Variants in FCER2 observed in about 807,000 individuals in gnomAD.
FCER2 encodes the protein low affinity immunoglobulin epsilon Fc receptor.
FCER2 carries 38 observed loss-of-function variants against 49.7 expected under a neutral mutation model. The observed-to-expected ratio is 0.76, with a 90% confidence interval of 0.59 to 1.00. FCER2 has a LOEUF of 1.00. Among genes scored for constraint, FCER2 ranks in the 50% least tolerant of loss-of-function variants. The probability of loss-of-function intolerance (pLI) is 0.00; values close to 1 mark genes in which losing one functional copy is unlikely to be tolerated. For missense variants in FCER2, 425 were observed against 419.5 expected, an observed-to-expected ratio of 1.01 and a Z score of -0.11; for synonymous variants, 163 against 164.6, an observed-to-expected ratio of 0.99 and a Z score of 0.07.
intron 9 of FCER2, 26 bp downstream of exon 9, chr19:7,690,380 A>G (rs2032830515): frequency 6.2e-7 from 1 of 1,610,382 alleles, no homozygotes; most frequent in Non-Finnish European, 8.5e-7. Flanking sequence ...CATGCTGCCC[A>G]CCACCTCTGC....
At chr19:7,692,462 G>C (rs111285955) in intron 8 of FCER2, among the ~76,000 whole-genome samples, 1 of 147,126 alleles carries the variant, frequency 6.8e-6, no homozygotes, top group Non-Finnish European at 1.5e-5. Flanking sequence ...ACACATTCAC[G>C]TCCATCAACA....
rs565338813 is a variant in FCER2 at position 7,690,416 on chromosome 19, G to A, written c.611C>T (p.Pro204Leu). 20 of 1,613,870 alleles carry A rather than the reference G, an allele frequency of 1.2e-5. No homozygotes were observed. Among genetic ancestry groups the A allele is most frequent in the Middle Eastern group, 1.7e-4 (1 of 6,056 alleles). The change falls in exon 9 of 11, where the codon CCG (proline) becomes CTG (leucine). Residue 204 changes from proline to leucine, a missense_variant. Coordinates refer to ENST00000597921, the MANE Select transcript of FCER2 (RefSeq NM_001220500.2). ...AGAGCCCCAGCCCACCTGCTCCTCC[G>A]GGCTGTGGATGCTGACCAGCTGCCC... Reference protein sequence around the residue: ...MEGQLVSIHSPEEQDFLTKHA... With the variant: ...MEGQLVSIHSLEEQDFLTKHA...
rs779874359 is a variant in FCER2, at chr19:7,699,746, T to C, written c.15A>G (p.Gln5=). Residue 5 remains glutamine (Q), a synonymous_variant, in exon 2 of 11, where the codon CAA becomes CAG. Coordinates refer to ENST00000597921, the MANE Select transcript of FCER2 (RefSeq NM_001220500.2). Reference sequence around the variant, plus strand: ...ACCAGAGAGTCCTCCTACCTGAATATTGACCTTCCTCCATGGCGGTCCTGC... The same window carrying C: ...ACCAGAGAGTCCTCCTACCTGAATACTGACCTTCCTCCATGGCGGTCCTGC... The part of the protein sequence containing the change: MEEG[Q]YSEIEELPRR... 74 of 1,613,934 alleles carry C rather than the reference T, an allele frequency of 4.6e-5. No individual in the cohort carries two copies. Among genetic ancestry groups the C allele is most frequent in the Non-Finnish European group, 5.5e-5 (65 of 1,179,944 alleles).
rs774140522 is a variant in FCER2, at chr19:7,697,551, C to T, written c.229G>A (p.Asp77Asn). ...VSKNLESHHGDQMAQKSQSTQ... is the reference protein window; with the variant it reads ...VSKNLESHHGNQMAQKSQSTQ... Reference sequence around the variant, plus strand: ...CACTGGGATTTCTGCGCCATCTGGTCACCGTGGTGGCTTTCCAAGTTCTTG... The same window carrying T: ...CACTGGGATTTCTGCGCCATCTGGTTACCGTGGTGGCTTTCCAAGTTCTTG... The change falls in exon 5 of 11, where the codon GAC becomes AAC. Residue 77 changes from aspartate to asparagine, a missense_variant. Asp to Asn is a conservative substitution (Grantham distance 23). Coordinates refer to ENST00000597921, the MANE Select transcript of FCER2 (RefSeq NM_001220500.2). 3 of 1,614,120 alleles carry T rather than the reference C, an allele frequency of 1.9e-6. No individual in the cohort carries two copies. Among genetic ancestry groups the T allele is most frequent in the Middle Eastern group, 1.6e-4 (1 of 6,062 alleles).
chr19:7,692,014 G>C (rs78434475), intron 8 of FCER2, among the ~76,000 whole-genome samples: 107,058 of 109,578 alleles, frequency 0.98, 52,269 homozygotes, highest in Admixed American at 0.99. Context: ...AACACCATCA[G>C]CACGAATACA....
intron 4 of FCER2, 28 bp from the exon 5 acceptor site, chr19:7,697,617 C>T: frequency 6.2e-7 from 1 of 1,608,410 alleles, no homozygotes; most frequent in African/African-American, 1.3e-5. Context: ...AAGAGATATC[C>T]CAGGAACCTC....
At chr19:7,693,709 C>T (rs1025159636) in intron 8 of FCER2, among the ~76,000 whole-genome samples, 11 of 152,126 alleles carry the variant, frequency 7.2e-5, no homozygotes, top group East Asian at 5.8e-4. Context: ...AGTACAGTGG[C>T]GCTATCTCGG....
At chr19:7,694,215 G>A (rs76878716) in intron 8 of FCER2, among the ~76,000 whole-genome samples, 1 of 152,256 alleles carries the variant, frequency 6.6e-6, no homozygotes, top group South Asian at 2.1e-4. Flanking sequence ...AACAGGAAGA[G>A]GTGGCCAGGT....
At chr19:7,689,647 G>T (rs2032804107) in intron 10 of FCER2, among the ~76,000 whole-genome samples, 1 of 152,018 alleles carries the variant, frequency 6.6e-6, no homozygotes, top group South Asian at 2.1e-4. Context: ...TGTTGAGACA[G>T]AATCACTCTG....
chr19:7,689,056 T>C lies in FCER2; in HGVS notation c.*137A>G, dbSNP rs2032779604. ...TGTACTCCTGGGAAGGCAGGGGCCATAGAGGAGCGGGAGATGTGTCAGCTG... is the reference window on the plus strand; with the variant it reads ...TGTACTCCTGGGAAGGCAGGGGCCACAGAGGAGCGGGAGATGTGTCAGCTG... On this transcript the variant is annotated 3_prime_UTR_variant, in exon 11 of 11. Transcript: ENST00000597921. 1 of 650,198 alleles carries C rather than the reference T, an allele frequency of 1.5e-6. No homozygotes were observed. The highest frequency in any genetic ancestry group is 2.7e-5 in the East Asian group (1 of 36,836). 40.3% of individuals were successfully genotyped at this position (650,198 alleles called of 1,614,324 possible).
At chr19:7,701,556 C>T (rs963000187) in intron 1 of FCER2, among the ~76,000 whole-genome samples, 1 of 152,132 alleles carries the variant, frequency 6.6e-6, no homozygotes, top group African/African-American at 2.4e-5. Context: ...CATTTGTCCC[C>T]ATCACGCAGT....
intron 9 of FCER2, 30 bp from the exon 10 acceptor site, chr19:7,690,295 G>A (rs1359993806): frequency 6.2e-7 from 1 of 1,608,296 alleles, no homozygotes; most frequent in Non-Finnish European, 8.5e-7. Context: ...TGGAGGACTG[G>A]AGACATGTGC....
At position 7,689,182 on chromosome 19, in the gene FCER2, T is replaced by C. The variant is rs2032782773; in HGVS notation, c.*11A>G. On this transcript the variant is annotated 3_prime_UTR_variant, in exon 11 of 11. Transcript: ENST00000597921. ...TTCAGGGTCTTGCTCTGGGCCTGGC[T>C]GTATCCATGCTCAAGAGTGGAGAGG... 1.3e-6 allele frequency: 2 copies of C among 1,577,068 alleles called. No individual in the cohort carries two copies. Among genetic ancestry groups the C allele is most frequent in the South Asian group, 2.2e-5 (2 of 90,274 alleles).
At position 7,699,790 on chromosome 19, in the gene FCER2, G is replaced by A. The variant is rs754165362; in HGVS notation, c.-30C>T. On this transcript the variant is annotated 5_prime_UTR_variant, in exon 2 of 11. Coordinates refer to ENST00000597921, the MANE Select transcript of FCER2 (RefSeq NM_001220500.2). ...GTCCTGCTTGGATTCTCCCGATGAT[G>A]GAGCACTCACTCCCTGACAACGCAG... The A allele has an allele frequency of 2.5e-6, 4 of 1,611,688 alleles. No homozygotes were observed. The highest frequency in any genetic ancestry group is 1.7e-4 in the Middle Eastern group (1 of 6,056).
At chr19:7,693,165 C>T (rs1027589922) in intron 8 of FCER2, among the ~76,000 whole-genome samples, 4 of 152,168 alleles carry the variant, frequency 2.6e-5, no homozygotes, top group Non-Finnish European at 5.9e-5. Context: ...GCCAGGTCCA[C>T]CAGCGATTAC....
chr19:7,692,949 T>C (rs1376346207), intron 8 of FCER2, among the ~76,000 whole-genome samples: 2 of 151,266 alleles, frequency 1.3e-5, no homozygotes, highest in East Asian at 1.9e-4. Flanking sequence ...AACCCCATCA[T>C]GACAAACACC....
rs2032780290 is a variant in FCER2 at position 7,689,086 on chromosome 19, C to T, written c.*107G>A. ...GAGCGGGAGATGTGTCAGCTGCCTC[C>T]GTTTGGGTGGCAGAAAATGTCACAG... On this transcript the variant is annotated 3_prime_UTR_variant, in exon 11 of 11. Transcript: ENST00000597921. 2.6e-6 allele frequency: 2 copies of T among 769,742 alleles called. No individual in the cohort carries two copies. Among genetic ancestry groups the T allele is most frequent in the Admixed American group, 2.4e-5 (1 of 41,276 alleles). The allele number at this position is 769,742 out of a possible 1,614,324, so 47.7% of individuals were successfully genotyped here.
chr19:7,691,092 C>T (rs73921526), intron 8 of FCER2, among the ~76,000 whole-genome samples: 11,474 of 151,720 alleles, frequency 0.076, 1,236 homozygotes, highest in African/African-American at 0.24. Context: ...CCTCAACCAT[C>T]AACACCATGA....
rs368110053 is a variant in FCER2, at chr19:7,692,449, C to T, written c.470-1892G>A. Among the ~76,000 whole-genome samples the T allele has an allele frequency of 1.1e-4, 16 of 148,272 alleles. 2 individuals carry two copies. The highest frequency in any genetic ancestry group is 2.5e-5 in the African/African-American group (1 of 39,870). On this transcript the variant is annotated intron_variant, in intron 8 of 10. Transcript: ENST00000597921. ...ACATCAATTACCAACACCAGCGCCA[C>T]GAACACATTCACGTCCATCAACACA...
Sources: allele counts gnomAD v4.1 joint callset (sites outside exome capture counted in the v4.1 genomes callset), GRCh38; gene constraint gnomAD v4.1.1; transcripts MANE v1.5; gene names NCBI Gene and HGNC (gene_info 2026-07-23, HGNC 2026-07-21).